The following KCNA4 variants were observed in gnomAD, a reference collection of about 807,000 sequenced individuals.
KCNA4 encodes the protein cardiac potassium channel.
KCNA4 carries 5 observed loss-of-function variants against 37.2 expected under a neutral mutation model. That is an observed-to-expected ratio of 0.13 (90% CI 0.07 to 0.28). The LOEUF (loss-of-function observed/expected upper bound fraction) is 0.28, where lower values mean the gene tolerates loss of function less well. Among genes scored for constraint, KCNA4 ranks in the 10% least tolerant of loss-of-function variants. KCNA4 has a pLI of 1.00. For synonymous variants in KCNA4, 350 were observed against 311.8 expected (o/e 1.12, Z -1.29); for missense variants, 634 against 817.4 (o/e 0.78, Z 2.74).
chr11:30,012,409 A>G lies in KCNA4; in HGVS notation c.270T>C (p.Ser90=). Residue 90 remains serine, a synonymous_variant, in exon 2 of 2, where the codon TCT becomes TCC. Coordinates refer to ENST00000328224, the MANE Select transcript of KCNA4 (RefSeq NM_002233.4). ...GCCGGTAGTGGGCTTTCTTCTTCTC[A>G]GACCGCTGTCGCCTCCTCCTCCGAC... ...RGSRRRRRQR[S]EKKKAHYRQS... is the part of the protein sequence containing the mutation. 6.2e-7 allele frequency: 1 copy of G among 1,613,908 alleles called. No individual in the cohort carries two copies. Among genetic ancestry groups the G allele is most frequent in the Non-Finnish European group, 8.5e-7 (1 of 1,180,014 alleles).
Position 30,010,933 on chromosome 11 carries a change from A to C in KCNA4, c.1746T>G (p.Asn582Lys), listed in dbSNP as rs760740333. 1 of 1,614,192 alleles carries C rather than the reference A, an allele frequency of 6.2e-7. No individual in the cohort carries two copies. Among genetic ancestry groups the C allele is most frequent in the South Asian group, 1.1e-5 (1 of 91,086 alleles). ...AGGGGAGGTATGGACAACTGACTGC[A>C]TTCTGCGTTAGCTGTGTCTGTTCCT... The part of the protein sequence containing the change: ...ENEEQTQLTQ[N>K]AVSCPYLPSN... The change falls in exon 2 of 2, where the codon AAT becomes AAG. Residue 582 changes from asparagine (N) to lysine (K), a missense_variant. Physicochemically the swap from Asn to Lys is moderately conservative, Grantham distance 94. Around this residue, in one of 8 missense-constraint regions of KCNA4, gnomAD observed 91 missense variants for 95.8 expected, o/e 0.95. Transcript: ENST00000328224.
rs1029083085 is a variant in KCNA4, at chr11:30,010,372, T to C, written c.*345A>G. On this transcript the variant is annotated 3_prime_UTR_variant, in exon 2 of 2. Coordinates refer to ENST00000328224, the MANE Select transcript of KCNA4 (RefSeq NM_002233.4). ...ACTTTTCCCTTCACTGCACAATTACTAACATTGACAATTTACTTCACACAC... is the reference window on the plus strand; with the variant it reads ...ACTTTTCCCTTCACTGCACAATTACCAACATTGACAATTTACTTCACACAC... 4 of 241,742 alleles carry C rather than the reference T, an allele frequency of 1.7e-5. No individual in the cohort carries two copies. The highest frequency in any genetic ancestry group is 3.2e-5 in the Non-Finnish European group (4 of 126,954). 15.0% of individuals were successfully genotyped at this position (241,742 alleles called of 1,614,324 possible). A position where few individuals can be genotyped will look rare whatever the true frequency, so the allele number is the denominator to read the frequency against.
Position 30,010,454 on chromosome 11 carries a change from CT to C in KCNA4, c.*262del. 2.0e-6 allele frequency: 1 copy of C among 496,628 alleles called. No individual in the cohort carries two copies. The highest frequency in any genetic ancestry group is 3.4e-6 in the Non-Finnish European group (1 of 290,726). 30.8% of individuals were successfully genotyped at this position (496,628 alleles called of 1,614,324 possible). A position where few individuals can be genotyped will look rare whatever the true frequency, so the allele number is the denominator to read the frequency against. On this transcript the variant is annotated 3_prime_UTR_variant, in exon 2 of 2. Coordinates refer to ENST00000328224, the MANE Select transcript of KCNA4 (RefSeq NM_002233.4). The stretch of plus-strand genomic sequence containing the variant: ...CTCTCTCCATCTTTACTGTTAACAT[CT>C]TTTCCAGTTAATGTGCAAAATTCTT...
chr11:30,012,691 C>T lies in KCNA4; in HGVS notation c.-13G>A, dbSNP rs765579067. 2.6e-5 allele frequency: 39 copies of T among 1,518,076 alleles called. No homozygotes were observed. Among genetic ancestry groups the T allele is most frequent in the South Asian group, 2.1e-4 (16 of 76,358 alleles). 94.0% of individuals were successfully genotyped at this position (1,518,076 alleles called of 1,614,324 possible). ...TTGCAACCTCCATGGTGGTGGTTTT[C>T]GGAAATGGCTGGTTCCAGTTGTAGA... On this transcript the variant is annotated 5_prime_UTR_variant, in exon 2 of 2. Coordinates refer to ENST00000328224, the MANE Select transcript of KCNA4 (RefSeq NM_002233.4).
chr11:30,011,975 T>A lies in KCNA4; in HGVS notation c.704A>T (p.Tyr235Phe), dbSNP rs1275388823. ...RPSFDAILYYYQSGGRLKRPV... is the reference protein window; with the variant it reads ...RPSFDAILYYFQSGGRLKRPV... ...CCTCTTCAGGCGGCCTCCTGATTGA[T>A]AATAATACAAGATGGCATCAAAGCT... Residue 235 changes from tyrosine (Y) to phenylalanine (F), a missense_variant, in exon 2 of 2, where the codon TAT (tyrosine) becomes TTT (phenylalanine). Tyr to Phe is a conservative substitution (Grantham distance 22). Around this residue, in one of 8 missense-constraint regions of KCNA4, gnomAD observed 252 missense variants for 344.2 expected, o/e 0.73. Coordinates refer to ENST00000328224, the MANE Select transcript of KCNA4 (RefSeq NM_002233.4). This position sits in a 1 kb window ranked among gnomAD's most constrained non-coding sequence, Gnocchi z 5.6. 6.2e-7 allele frequency: 1 copy of A among 1,614,112 alleles called. No individual in the cohort carries two copies. Among genetic ancestry groups the A allele is most frequent in the Non-Finnish European group, 8.5e-7 (1 of 1,180,036 alleles).
chr11:30,010,634 T>C lies in KCNA4; in HGVS notation c.*83A>G. The C allele has an allele frequency of 1.3e-6, 2 of 1,522,150 alleles. No homozygotes were observed. Among genetic ancestry groups the C allele is most frequent in the South Asian group, 2.7e-5 (2 of 74,480 alleles). The allele number at this position is 1,522,150 out of a possible 1,614,324, so 94.3% of individuals were successfully genotyped here. On this transcript the variant is annotated 3_prime_UTR_variant, in exon 2 of 2. Coordinates refer to ENST00000328224, the MANE Select transcript of KCNA4 (RefSeq NM_002233.4). ...TACTGTATGCATTGGATCATTTGCA[T>C]ATTTCATTTTCATAACTGCACTCTC... is the stretch of plus-strand genomic sequence containing the variant.
At position 30,011,586 on chromosome 11, in the gene KCNA4, T is replaced by A; in HGVS notation, c.1093A>T (p.Thr365Ser). Residue 365 changes from threonine to serine, a missense_variant, in exon 2 of 2, where the codon ACA becomes TCA. By Grantham distance (58) the Thr-to-Ser change is moderately conservative. This residue lies in a region of KCNA4 where 252 missense variants were observed against 344.2 expected (regional missense o/e 0.73). Coordinates refer to ENST00000328224, the MANE Select transcript of KCNA4 (RefSeq NM_002233.4). The surrounding 1 kb of genome is among the most constrained non-coding windows in gnomAD (Gnocchi z 5.6). ...SAPHLENSGH[T>S]IFNDPFFIVE... ...ATGAAGAAGGGGTCATTGAATATTG[T>A]GTGCCCTGAGTTCTCCAGATGGGGT... 6.2e-7 allele frequency: 1 copy of A among 1,614,094 alleles called. No individual in the cohort carries two copies. Among genetic ancestry groups the A allele is most frequent in the Non-Finnish European group, 8.5e-7 (1 of 1,180,026 alleles).
Position 30,010,987 on chromosome 11 carries a change from G to A in KCNA4, c.1692C>T (p.Asn564=). The A allele has an allele frequency of 6.2e-7, 1 of 1,614,202 alleles. No individual in the cohort carries two copies. Among genetic ancestry groups the A allele is most frequent in the Non-Finnish European group, 8.5e-7 (1 of 1,180,034 alleles). The part of the protein sequence containing the change: ...LPVPVIVSNF[N]YFYHRETENE... ...TTTCAGTCTCTCTGTGGTAGAAATA[G>A]TTAAAGTTAGAGACAATCACTGGCA... Residue 564 remains asparagine (N), a synonymous_variant, in exon 2 of 2, where the codon AAC becomes AAT. Coordinates refer to ENST00000328224, the MANE Select transcript of KCNA4 (RefSeq NM_002233.4).
Position 30,016,717 on chromosome 11 carries a change from A to T in KCNA4, c.-928T>A. The T allele has an allele frequency of 9.5e-6, 3 of 317,342 alleles. No homozygotes were observed. The highest frequency in any genetic ancestry group is 9.6e-5 in the East Asian group (2 of 20,880). 19.7% of individuals were successfully genotyped at this position (317,342 alleles called of 1,614,324 possible). ...GTAAAAGGAATCACTCGGGTTTGGC[A>T]GGTGGAGGCTCCAAATATCCACGGA... is the stretch of plus-strand genomic sequence containing the variant. On this transcript the variant is annotated 5_prime_UTR_variant, in exon 1 of 2. Coordinates refer to ENST00000328224, the MANE Select transcript of KCNA4 (RefSeq NM_002233.4).
chr11:30,011,966 C>T lies in KCNA4; in HGVS notation c.713G>A (p.Gly238Glu). The T allele has an allele frequency of 6.2e-7, 1 of 1,614,078 alleles. No homozygotes were observed. The highest frequency in any genetic ancestry group is 8.5e-7 in the Non-Finnish European group (1 of 1,180,022). Residue 238 changes from glycine (G) to glutamate (E), a missense_variant, in exon 2 of 2, where the codon GGA (glycine) becomes GAA (glutamate). Gly to Glu is a moderately conservative substitution (Grantham distance 98). Transcript: ENST00000328224. This position sits in a 1 kb window ranked among gnomAD's most constrained non-coding sequence, Gnocchi z 5.6. Reference protein sequence around the residue: ...FDAILYYYQSGGRLKRPVNVP... With the variant: ...FDAILYYYQSEGRLKRPVNVP... ...ATTGACTGGCCTCTTCAGGCGGCCT[C>T]CTGATTGATAATAATACAAGATGGC...
intron 1 of KCNA4, among the ~76,000 whole-genome samples, chr11:30,014,188 T>C (rs1418480213): frequency 6.6e-6 from 1 of 152,192 alleles, no homozygotes; most frequent in Non-Finnish European, 1.5e-5. Context: ...CAGCCCCAAG[T>C]GTTTGTGTCC....
intron 1 of KCNA4, among the ~76,000 whole-genome samples, chr11:30,015,472 C>T (rs1360151933): frequency 6.6e-6 from 1 of 152,210 alleles, no homozygotes; most frequent in Non-Finnish European, 1.5e-5. Context: ...TTCTAATTCA[C>T]CATCAGCTCT....
In KCNA4 at chr11:30,013,463, GA is replaced by G; in HGVS notation, c.-782-4del. The G allele has an allele frequency of 6.0e-6, 1 of 166,122 alleles. No homozygotes were observed. The allele number at this position is 166,122 out of a possible 1,614,324, so 10.3% of individuals were successfully genotyped here. On this transcript the variant is annotated splice_polypyrimidine_tract_variant and splice_region_variant and intron_variant, in intron 1 of 1. Transcript: ENST00000328224. ...ATCATGCAGAAGAAGCACTTCACCT[GA>G]AAAAGGATTGGAAAGAAGCATAGGA...
In KCNA4 at chr11:30,012,200, T is replaced by C; in HGVS notation, c.479A>G (p.Asp160Gly). The C allele has an allele frequency of 6.2e-7, 1 of 1,614,098 alleles. No homozygotes were observed. The highest frequency in any genetic ancestry group is 8.5e-7 in the Non-Finnish European group (1 of 1,180,018). Residue 160 changes from aspartate to glycine, a missense_variant, in exon 2 of 2, where the codon GAT becomes GGT. By Grantham distance (94) the Asp-to-Gly change is moderately conservative. Coordinates refer to ENST00000328224, the MANE Select transcript of KCNA4 (RefSeq NM_002233.4). ...TGAACTGTAGCCGCCACCGCCCTCATCCTGAGGCAGCAGATCCGTGTAGGA... is the reference window on the plus strand; with the variant it reads ...TGAACTGTAGCCGCCACCGCCCTCACCCTGAGGCAGCAGATCCGTGTAGGA... Reference protein sequence around the residue: ...ECSYTDLLPQDEGGGGYSSVR... With the variant: ...ECSYTDLLPQGEGGGGYSSVR...
rs1035531389 is a variant in KCNA4, at chr11:30,009,871, A to G, written c.*846T>C. On this transcript the variant is annotated 3_prime_UTR_variant, in exon 2 of 2. Coordinates refer to ENST00000328224, the MANE Select transcript of KCNA4 (RefSeq NM_002233.4). ...AATGAAAAGAAAACAATAAAATAAG[A>G]CTAAAGAAATCATTCTTCCAATGAT... 1 of 152,140 alleles carries G rather than the reference A, an allele frequency of 6.6e-6. No individual in the cohort carries two copies. The highest frequency in any genetic ancestry group is 2.4e-5 in the African/African-American group (1 of 41,436). The allele number at this position is 152,140 out of a possible 1,614,324, so 9.4% of individuals were successfully genotyped here.
chr11:30,011,967 C>T lies in KCNA4; in HGVS notation c.712G>A (p.Gly238Arg), dbSNP rs757783890. ...FDAILYYYQS[G>R]GRLKRPVNVP... The stretch of plus-strand genomic sequence containing the variant: ...TTGACTGGCCTCTTCAGGCGGCCTC[C>T]TGATTGATAATAATACAAGATGGCA... Residue 238 changes from glycine (G) to arginine (R), a missense_variant, in exon 2 of 2, where the codon GGA becomes AGA. Around this residue, in one of 8 missense-constraint regions of KCNA4, gnomAD observed 252 missense variants for 344.2 expected, o/e 0.73. Transcript: ENST00000328224. The surrounding 1 kb of genome is among the most constrained non-coding windows in gnomAD (Gnocchi z 5.6). 6.2e-7 allele frequency: 1 copy of T among 1,614,076 alleles called. No individual in the cohort carries two copies. Among genetic ancestry groups the T allele is most frequent in the South Asian group, 1.1e-5 (1 of 91,076 alleles).
Position 30,012,772 on chromosome 11 carries a change from G to A in KCNA4, c.-94C>T. 1 of 1,497,004 alleles carries A rather than the reference G, an allele frequency of 6.7e-7. No individual in the cohort carries two copies. The allele number at this position is 1,497,004 out of a possible 1,614,324, so 92.7% of individuals were successfully genotyped here. A position where few individuals can be genotyped will look rare whatever the true frequency, so the allele number is the denominator to read the frequency against. ...TTTCTCACCAAATTAAGGTAAGTTT[G>A]GAACCCTTAAGCAGATTGCTTGGAA... On this transcript the variant is annotated 5_prime_UTR_variant, in exon 2 of 2. Coordinates refer to ENST00000328224, the MANE Select transcript of KCNA4 (RefSeq NM_002233.4).
chr11:30,014,622 T>C lies in KCNA4; in HGVS notation c.-782-1162A>G, dbSNP rs77673178. 4.1e-3 allele frequency among the ~76,000 whole-genome samples: 629 copies of C among 152,032 alleles called. 25 individuals carry two copies. In the South Asian group the frequency reaches 0.086, roughly 21 times the overall value. On this transcript the variant is annotated intron_variant, in intron 1 of 1. Transcript: ENST00000328224. ...TTATTTACAATCTCACACTTCTGAA[T>C]TGCATGTCCCTTGCAGCTCCGATCT...
At position 30,010,664 on chromosome 11, in the gene KCNA4, C is replaced by T; in HGVS notation, c.*53G>A. 2 of 1,548,086 alleles carry T rather than the reference C, an allele frequency of 1.3e-6. No homozygotes were observed. The highest frequency in any genetic ancestry group is 1.7e-6 in the Non-Finnish European group (2 of 1,151,488). On this transcript the variant is annotated 3_prime_UTR_variant, in exon 2 of 2. Coordinates refer to ENST00000328224, the MANE Select transcript of KCNA4 (RefSeq NM_002233.4). ...CATTTTCATAACTGCACTCTCTATG[C>T]ATAAATATATTTGGAGATGCTGAGG...
Sources: gnomAD v4.1 joint callset for allele counts (sites outside exome capture counted in the v4.1 genomes callset) on GRCh38, gnomAD v4.1.1 for gene constraint, gnomAD v4.1.1 regional missense constraint, Gnocchi (gnomAD v3.1) non-coding constraint, MANE v1.5 for transcripts, NCBI Gene and HGNC (gene_info 2026-07-23, HGNC 2026-07-21) for gene names.